Variants in LOC400499 observed in about 807,000 individuals in gnomAD.
chr16:11,460,164 CG>C, the LOC400499 span: 1 of 974,886 alleles, frequency 1.0e-6, no homozygotes, highest in Non-Finnish European at 1.4e-6. Flanking sequence ...TCAGAAGAGA[CG>C]GTTCTGTAGA....
At chr16:11,450,441 G>A in the LOC400499 span, among the ~76,000 whole-genome samples, 2 of 152,128 alleles carry the variant, frequency 1.3e-5, no homozygotes, top group Non-Finnish European at 2.9e-5. Context: ...ATTCTTCTAC[G>A]TCACTTAGGA....
At chr16:11,449,069 G>A in the LOC400499 span, 2 of 1,484,274 alleles carry the variant, frequency 1.3e-6, no homozygotes, top group Non-Finnish European at 1.8e-6. Context: ...CGCTCCAGCT[G>A]TGGAAGAGGC....
At chr16:11,506,013 G>A in the LOC400499 span, among the ~76,000 whole-genome samples, 1,307 of 152,032 alleles carry the variant, frequency 8.6e-3, 23 homozygotes, top group African/African-American at 0.03. Flanking sequence ...AGTCAGCTAT[G>A]CTAAAACAAC....
chr16:11,393,520 G>A, the LOC400499 span: 14 of 1,232,314 alleles, frequency 1.1e-5, no homozygotes, highest in Middle Eastern at 3.1e-4. Flanking sequence ...GTGGAGACAC[G>A]GCCCAGTAGG....
chr16:11,385,726 C>T, the LOC400499 span, among the ~76,000 whole-genome samples: 1 of 152,110 alleles, frequency 6.6e-6, no homozygotes, highest in African/African-American at 2.4e-5. Flanking sequence ...CTTCTGTTTA[C>T]ATAAAATGTC....
the LOC400499 span, among the ~76,000 whole-genome samples, chr16:11,429,474 G>T: frequency 6.6e-6 from 1 of 152,124 alleles, no homozygotes. Context: ...TCTGCCCTAA[G>T]CAATAATTTA....
the LOC400499 span, among the ~76,000 whole-genome samples, chr16:11,409,218 G>A: frequency 2.6e-5 from 4 of 151,966 alleles, no homozygotes; most frequent in African/African-American, 7.3e-5. Context: ...TCGAGATCAC[G>A]CCTCTGCACT....
At chr16:11,383,770 G>A in the LOC400499 span, 3 of 1,232,188 alleles carry the variant, frequency 2.4e-6, no homozygotes, top group Non-Finnish European at 3.0e-6. Context: ...GCTGAGGAAT[G>A]GTGTAGGGTC....
chr16:11,404,942 A>G, the LOC400499 span: 4 of 398,610 alleles, frequency 1.0e-5, no homozygotes, highest in Non-Finnish European at 1.8e-5. Flanking sequence ...AGAAGCTTGC[A>G]GAGGAGGAAA....
At chr16:11,390,542 C>G in the LOC400499 span, 1 of 1,128,246 alleles carries the variant, frequency 8.9e-7, no homozygotes, top group Non-Finnish European at 1.1e-6. Flanking sequence ...CGCCAGGCCT[C>G]GAGGAGATAG....
the LOC400499 span, among the ~76,000 whole-genome samples, chr16:11,473,388 G>A: frequency 1.0e-3 from 154 of 151,312 alleles, no homozygotes; most frequent in African/African-American, 3.6e-3. Context: ...CTATTATTTG[G>A]CACATTTATT....
chr16:11,449,124 AG>A, the LOC400499 span: 1 of 1,426,602 alleles, frequency 7.0e-7, no homozygotes, highest in Non-Finnish European at 9.4e-7. Context: ...TGAGGTGAGG[AG>A]GGGGACCAAG....
At chr16:11,441,513 G>T in the LOC400499 span, among the ~76,000 whole-genome samples, 1 of 152,224 alleles carries the variant, frequency 6.6e-6, no homozygotes, top group Admixed American at 6.5e-5. Context: ...GGAGCTGGCA[G>T]AAGAACACTC....
the LOC400499 span, among the ~76,000 whole-genome samples, chr16:11,471,093 C>T: frequency 6.6e-6 from 1 of 152,030 alleles, no homozygotes; most frequent in African/African-American, 2.4e-5. Flanking sequence ...CATAGGGGGG[C>T]AGTCTACACA....
chr16:11,404,346 G>A, the LOC400499 span, among the ~76,000 whole-genome samples: 1 of 152,108 alleles, frequency 6.6e-6, no homozygotes, highest in African/African-American at 2.4e-5. Flanking sequence ...GGATATGCAG[G>A]TGCTCAGTCA....
chr16:11,513,452 G>C, the LOC400499 span, among the ~76,000 whole-genome samples: 1 of 150,264 alleles, frequency 6.7e-6, no homozygotes, highest in East Asian at 1.9e-4. Flanking sequence ...TATTTATTGA[G>C]ATGGAGTCTT....
the LOC400499 span, among the ~76,000 whole-genome samples, chr16:11,511,104 C>T: frequency 6.6e-6 from 1 of 151,676 alleles, no homozygotes; most frequent in East Asian, 1.9e-4. Flanking sequence ...TCAGGTGATC[C>T]TCCCACTTCA....
chr16:11,520,658 C>A, the LOC400499 span, among the ~76,000 whole-genome samples: 1 of 108,546 alleles, frequency 9.2e-6, no homozygotes, highest in Non-Finnish European at 1.7e-5. Flanking sequence ...CAGAGTGAGA[C>A]TCCATCAAAA....
At chr16:11,404,471 C>T in the LOC400499 span, among the ~76,000 whole-genome samples, 2 of 152,176 alleles carry the variant, frequency 1.3e-5, no homozygotes, top group Admixed American at 1.3e-4. Context: ...CTCAGCCTCC[C>T]AAGTAGCTGA....
Sources: gnomAD v4.1 joint callset for allele counts (sites outside exome capture counted in the v4.1 genomes callset) on GRCh38, gnomAD v4.1.1 for gene constraint, MANE v1.5 for transcripts.